The following VPS13B variants were observed in gnomAD, a reference collection of about 807,000 sequenced individuals.
The protein encoded by VPS13B is intermembrane lipid transfer protein VPS13B.
Under a neutral mutation model 426.4 loss-of-function variants are expected in VPS13B, and 285 were observed. That is an observed-to-expected ratio of 0.67 (90% CI 0.61 to 0.74). The LOEUF is 0.74. VPS13B is among the 30% of genes least tolerant of loss of function. The pLI, the probability that VPS13B is intolerant of heterozygous loss-of-function variation, is 0.00. For missense variants in VPS13B, 4,537 were observed against 4,782.6 expected (o/e 0.95, Z 1.51); for synonymous variants, 1,676 against 1,676.4 (o/e 1.00, Z 0.01).
At chr8:99,225,202 C>T (rs1815946958) in intron 17 of VPS13B, among the ~76,000 whole-genome samples, 1 of 152,200 alleles carries the variant, frequency 6.6e-6, no homozygotes, top group African/African-American at 2.4e-5. Flanking sequence ...CTTCCTGAAA[C>T]TGTGACATTT....
intron 35 of VPS13B, among the ~76,000 whole-genome samples, chr8:99,683,920 T>A (rs1318835904): frequency 6.6e-6 from 1 of 152,224 alleles, no homozygotes; most frequent in Non-Finnish European, 1.5e-5. Context: ...CTTGTTTCTG[T>A]TCTTAGGGGG....
At chr8:99,137,051 A>G (rs1018940150) in intron 12 of VPS13B, among the ~76,000 whole-genome samples, 1 of 152,136 alleles carries the variant, frequency 6.6e-6, no homozygotes, top group Non-Finnish European at 1.5e-5. Context: ...AATTTTTAAA[A>G]AGAATAAACC....
At chr8:99,522,001 C>G (rs1822399315) in intron 30 of VPS13B, among the ~76,000 whole-genome samples, 1 of 151,930 alleles carries the variant, frequency 6.6e-6, no homozygotes, top group African/African-American at 2.4e-5. Flanking sequence ...ATGCAGCTAG[C>G]TTATATATAA....
At chr8:99,522,879 A>G (rs1255557751) in intron 30 of VPS13B, among the ~76,000 whole-genome samples, 1 of 152,218 alleles carries the variant, frequency 6.6e-6, no homozygotes, top group African/African-American at 2.4e-5. Context: ...CAAAGGAGTA[A>G]CAGCAGAATT....
At chr8:99,274,691 T>G (rs1818803627) in intron 18 of VPS13B, among the ~76,000 whole-genome samples, 1 of 152,142 alleles carries the variant, frequency 6.6e-6, no homozygotes, top group African/African-American at 2.4e-5. Context: ...CCAGTTGTTT[T>G]TAAATTTTGG....
In VPS13B at chr8:99,470,392, G is replaced by A. The variant is rs1016563058; in HGVS notation, c.3666+2758G>A. ...GGCAGCTTTTAGAAATTTTTATGAG[G>A]TGCAAAGGAAAGCATACTAAATGAA... On this transcript the variant is annotated intron_variant, in intron 24 of 61. Transcript: ENST00000357162. 6.6e-5 allele frequency among the ~76,000 whole-genome samples: 10 copies of A among 151,966 alleles called. No individual in the cohort carries two copies. The East Asian group carries it at 1.9e-3, about 29-fold the overall frequency.
At chr8:99,479,152 C>T (rs1031370809) in intron 24 of VPS13B, among the ~76,000 whole-genome samples, 4 of 152,110 alleles carry the variant, frequency 2.6e-5, no homozygotes, top group African/African-American at 9.7e-5. Flanking sequence ...TCATCCCCTG[C>T]GCTTGGCTTT....
At chr8:99,198,287 A>G (rs1024104821) in intron 17 of VPS13B, among the ~76,000 whole-genome samples, 4 of 151,746 alleles carry the variant, frequency 2.6e-5, no homozygotes, top group Admixed American at 2.6e-4. Flanking sequence ...CTAAATTTCT[A>G]TTTCCTGTGA....
intron 44 of VPS13B, among the ~76,000 whole-genome samples, chr8:99,816,474 G>A (rs1323023809): frequency 2.0e-5 from 3 of 152,086 alleles, no homozygotes; most frequent in Non-Finnish European, 4.4e-5. Context: ...TAACCCATAG[G>A]TTTAGTGGAT....
At chr8:99,364,531 C>G (rs899295669) in intron 19 of VPS13B, among the ~76,000 whole-genome samples, 4 of 152,106 alleles carry the variant, frequency 2.6e-5, no homozygotes, top group Admixed American at 6.5e-5. Context: ...CTTCCAGGCT[C>G]AAGTGACCCT....
intron 31 of VPS13B, among the ~76,000 whole-genome samples, chr8:99,570,733 G>A (rs574759181): frequency 4.3e-4 from 65 of 152,036 alleles, no homozygotes; most frequent in African/African-American, 1.4e-3. Context: ...ATATAAAATA[G>A]TCTGTATTAG....
intron 33 of VPS13B, among the ~76,000 whole-genome samples, chr8:99,608,910 G>A (rs1827721119): frequency 1.3e-5 from 2 of 151,894 alleles, no homozygotes; most frequent in Admixed American, 1.3e-4. Context: ...TATTTATTAG[G>A]TGATGGACTT....
At chr8:99,870,692 T>C in intron 59 of VPS13B, 93 bp from the exon 60 acceptor site, 1 of 1,191,408 alleles carries the variant, frequency 8.4e-7, no homozygotes, top group Non-Finnish European at 1.3e-6. Context: ...TCTGTAACAT[T>C]TTATGGATGG....
chr8:99,100,041 TATTAG>T (rs764883395), intron 4 of VPS13B, among the ~76,000 whole-genome samples: 1 of 152,148 alleles, frequency 6.6e-6, no homozygotes, highest in Non-Finnish European at 1.5e-5. Context: ...TGATGAGAGC[TATTAG>T]ATCTACTTGA....
At chr8:99,793,853 A>C (rs1396581982) in intron 43 of VPS13B, among the ~76,000 whole-genome samples, 1 of 152,248 alleles carries the variant, frequency 6.6e-6, no homozygotes, top group East Asian at 1.9e-4. Context: ...TGATAGCTGC[A>C]TGAAGAGTGG....
chr8:99,220,944 C>T (rs1354062583), intron 17 of VPS13B, among the ~76,000 whole-genome samples: 1 of 88,840 alleles, frequency 1.1e-5, no homozygotes. Context: ...CCCCCTCCCC[C>T]GACCCCACCA....
At chr8:99,852,180 T>C (rs1816329860) in intron 55 of VPS13B, among the ~76,000 whole-genome samples, 1 of 152,184 alleles carries the variant, frequency 6.6e-6, no homozygotes, top group African/African-American at 2.4e-5. Context: ...TGAGAGAGAC[T>C]ATCTGCAGAT....
chr8:99,591,146 C>T (rs568771452), intron 33 of VPS13B, among the ~76,000 whole-genome samples: 23 of 143,236 alleles, frequency 1.6e-4, no homozygotes, highest in Middle Eastern at 3.6e-3. Context: ...TTATCAGAGA[C>T]TAGGATTGCA....
intron 30 of VPS13B, among the ~76,000 whole-genome samples, chr8:99,544,772 A>C (rs1823871629): frequency 6.6e-6 from 1 of 152,200 alleles, no homozygotes; most frequent in South Asian, 2.1e-4. Context: ...TAAAATCCCC[A>C]GATAATTTTC....
Sources: allele counts gnomAD v4.1 joint callset (sites outside exome capture counted in the v4.1 genomes callset), GRCh38; gene constraint gnomAD v4.1.1; transcripts MANE v1.5; gene names NCBI Gene and HGNC (gene_info 2026-07-23, HGNC 2026-07-21).